The following STK32A variants were observed in gnomAD, a reference collection of about 807,000 sequenced individuals.
STK32A encodes the protein serine/threonine kinase 32A.
Under a neutral mutation model 53.2 loss-of-function variants are expected in STK32A, and 41 were observed. The ratio of observed to expected loss-of-function variants is 0.77; its 90% CI spans 0.60 to 1.00. The LOEUF is 1.00. Ranked by LOEUF, STK32A falls within the 50% of genes least tolerant of loss-of-function variation. STK32A has a pLI of 0.00. For missense variants in STK32A, 458 were observed against 485.8 expected, an observed-to-expected ratio of 0.94 and a Z score of 0.54; for synonymous variants, 166 against 162.8, an observed-to-expected ratio of 1.02 and a Z score of -0.15.
At chr5:147,367,859 G>T (rs1348429250) in intron 8 of STK32A, among the ~76,000 whole-genome samples, 2 of 152,154 alleles carry the variant, frequency 1.3e-5, no homozygotes, top group African/African-American at 4.8e-5. Flanking sequence ...AGGAAAAAAT[G>T]ACCAACTATG....
intron 10 of STK32A, among the ~76,000 whole-genome samples, chr5:147,373,845 A>G (rs1355864139): frequency 6.6e-6 from 1 of 152,168 alleles, no homozygotes; most frequent in Non-Finnish European, 1.5e-5. Context: ...GGTCTACTGC[A>G]TTATGCTGGT....
chr5:147,401,801 A>G, the STK32A span: 4 of 1,381,702 alleles, frequency 2.9e-6, no homozygotes, highest in Admixed American at 2.7e-5. Flanking sequence ...TGTGTCTCAG[A>G]GTCAGACTGA....
intron 4 of STK32A, among the ~76,000 whole-genome samples, chr5:147,315,774 G>T (rs754480726): frequency 3.9e-5 from 6 of 152,200 alleles, no homozygotes; most frequent in Non-Finnish European, 8.8e-5. Context: ...GAAGTTACCA[G>T]TGGGGAAAAG....
At chr5:147,239,196 C>G (rs1009053563) in intron 1 of STK32A, among the ~76,000 whole-genome samples, 8 of 152,102 alleles carry the variant, frequency 5.3e-5, no homozygotes, top group Non-Finnish European at 1.0e-4. Context: ...TTGTTGATTA[C>G]CCAGTAACAA....
intron 4 of STK32A, among the ~76,000 whole-genome samples, chr5:147,283,486 AAGAT>A (rs1236511293): frequency 2.6e-5 from 4 of 151,538 alleles, no homozygotes; most frequent in East Asian, 1.9e-4. Flanking sequence ...AAAAAAAAGA[AAGAT>A]AAATAAAACA....
chr5:147,370,140 C>A (rs1193605661), intron 8 of STK32A, among the ~76,000 whole-genome samples: 7 of 152,100 alleles, frequency 4.6e-5, no homozygotes, highest in African/African-American at 1.7e-4. Context: ...ACCAGGGACT[C>A]ATAGCATTTG....
chr5:147,303,202 T>A (rs1040033385), intron 4 of STK32A, among the ~76,000 whole-genome samples: 2 of 152,178 alleles, frequency 1.3e-5, no homozygotes, highest in African/African-American at 4.8e-5. Flanking sequence ...ATGACAGATT[T>A]TGCTATGTAA....
rs1163955226 is a variant in STK32A, at chr5:147,387,403, G to A, written c.*3420G>A. The A allele has an allele frequency of 6.6e-6, 1 of 152,240 alleles. No homozygotes were observed. Among genetic ancestry groups the A allele is most frequent in the East Asian group, 1.9e-4 (1 of 5,204 alleles). The allele number at this position is 152,240 out of a possible 1,614,324, so 9.4% of individuals were successfully genotyped here. The stretch of plus-strand genomic sequence containing the variant: ...TAGCTAGGCTTCTTCTGATAGGAAA[G>A]TTTCAACCAGAAACCACTAGATGTT... On this transcript the variant is annotated 3_prime_UTR_variant, in exon 13 of 13. Transcript: ENST00000397936.
At chr5:147,353,069 A>G (rs1756057963) in intron 7 of STK32A, among the ~76,000 whole-genome samples, 1 of 152,176 alleles carries the variant, frequency 6.6e-6, no homozygotes, top group Non-Finnish European at 1.5e-5. Flanking sequence ...AGGAGTCACA[A>G]CTTCCACCAC....
At chr5:147,258,815 T>A (rs1327222828) in intron 2 of STK32A, among the ~76,000 whole-genome samples, 1 of 152,156 alleles carries the variant, frequency 6.6e-6, no homozygotes, top group Non-Finnish European at 1.5e-5. Context: ...TTAGCTAAAT[T>A]TACTTTTGTT....
the STK32A span, among the ~76,000 whole-genome samples, chr5:147,397,245 G>A: frequency 6.6e-6 from 1 of 151,016 alleles, no homozygotes; most frequent in Non-Finnish European, 1.5e-5. Context: ...AAGTTTTATT[G>A]AAAATACAGT....
chr5:147,328,312 A>G (rs888727552), intron 5 of STK32A, among the ~76,000 whole-genome samples: 40 of 152,236 alleles, frequency 2.6e-4, no homozygotes, highest in Non-Finnish European at 3.8e-4. Flanking sequence ...AAAAAAAACC[A>G]TAAGATCTGT....
intron 4 of STK32A, among the ~76,000 whole-genome samples, chr5:147,280,423 TGGGGATGGGGGA>T (rs1752001615): frequency 1.2e-3 from 1 of 830 alleles, no homozygotes; most frequent in African/African-American, 4.9e-3. Context: ...GGAGGGGGGT[TGGGGATGGGGGA>T]GGGGGGTGGT....
chr5:147,264,489 AC>A (rs1343716308), intron 2 of STK32A, among the ~76,000 whole-genome samples: 6 of 152,242 alleles, frequency 3.9e-5, no homozygotes, highest in Non-Finnish European at 8.8e-5. Flanking sequence ...CAAGACTGTT[AC>A]TAATTCCAGG....
At chr5:147,401,246 A>C in the STK32A span, among the ~76,000 whole-genome samples, 1 of 152,218 alleles carries the variant, frequency 6.6e-6, no homozygotes, top group African/African-American at 2.4e-5. Context: ...CCTCACTCAT[A>C]AAGTTGTTAG....
chr5:147,374,286 C>CA (rs113267930), intron 10 of STK32A, among the ~76,000 whole-genome samples: 43,127 of 133,718 alleles, frequency 0.32, 7,238 homozygotes, highest in East Asian at 0.75. Context: ...GACCCTGTCT[C>CA]AAAAAAAAAA....
chr5:147,263,879 A>T (rs2151948201), intron 2 of STK32A, among the ~76,000 whole-genome samples: 1 of 152,268 alleles, frequency 6.6e-6, no homozygotes, highest in East Asian at 1.9e-4. Flanking sequence ...GCCCAGCACA[A>T]TGAATAAATC....
At chr5:147,316,836 A>G (rs1754012867) in intron 4 of STK32A, among the ~76,000 whole-genome samples, 1 of 148,034 alleles carries the variant, frequency 6.8e-6, no homozygotes, top group South Asian at 2.2e-4. Context: ...GCCAGGGTTA[A>G]ATAGCAAGAC....
At chr5:147,313,136 G>C (rs1753787467) in intron 4 of STK32A, among the ~76,000 whole-genome samples, 1 of 151,844 alleles carries the variant, frequency 6.6e-6, no homozygotes, top group African/African-American at 2.4e-5. Context: ...TCAGGAGGCT[G>C]AGATGGAAGG....
Sources: allele counts gnomAD v4.1 joint callset (sites outside exome capture counted in the v4.1 genomes callset), GRCh38; gene constraint gnomAD v4.1.1; transcripts MANE v1.5; gene names NCBI Gene and HGNC (gene_info 2026-07-23, HGNC 2026-07-21).